The following SGPP1 variants were observed in gnomAD, a reference collection of about 807,000 sequenced individuals.
The protein encoded by SGPP1 is sphingosine-1-phosphate phosphatase 1.
In SGPP1, 21 loss-of-function variants were observed where a neutral mutation model predicts 33.0. The ratio of observed to expected loss-of-function variants is 0.64; its 90% confidence interval spans 0.45 to 0.92. The LOEUF (loss-of-function observed/expected upper bound fraction) is 0.92. Among genes scored for constraint, SGPP1 ranks in the 40% least tolerant of loss-of-function variants. The probability of loss-of-function intolerance (pLI) is 0.00; values close to 1 mark genes in which losing one functional copy is unlikely to be tolerated. For synonymous variants in SGPP1, 239 were observed against 241.2 expected (o/e 0.99, Z 0.08); for missense variants, 543 against 589.4 (o/e 0.92, Z 0.81).
intron 1 of SGPP1, among the ~76,000 whole-genome samples, chr14:63,721,244 C>T (rs961711957): frequency 6.6e-6 from 1 of 152,148 alleles, no homozygotes; most frequent in Admixed American, 6.6e-5. Context: ...CGTGCCACTG[C>T]ACTCCAGGCT....
intron 1 of SGPP1, among the ~76,000 whole-genome samples, chr14:63,716,132 G>A (rs1885621984): frequency 6.6e-6 from 1 of 152,118 alleles, no homozygotes; most frequent in African/African-American, 2.4e-5. Context: ...CTATAATCAG[G>A]AGAAATAATA....
At chr14:63,717,613 C>T (rs557293116) in intron 1 of SGPP1, among the ~76,000 whole-genome samples, 1 of 152,250 alleles carries the variant, frequency 6.6e-6, no homozygotes, top group African/African-American at 2.4e-5. Flanking sequence ...TGAGCCACCA[C>T]ACCCGTACTG....
In SGPP1 at chr14:63,685,878, T is replaced by C. The variant is rs1884961137; in HGVS notation, c.*227A>G. 3.4e-6 allele frequency: 1 copy of C among 293,560 alleles called. No individual in the cohort carries two copies. Among genetic ancestry groups the C allele is most frequent in the African/African-American group, 2.2e-5 (1 of 45,672 alleles). The allele number at this position is 293,560 out of a possible 1,614,324, so 18.2% of individuals were successfully genotyped here. A position where few individuals can be genotyped will look rare whatever the true frequency, so the allele number is the denominator to read the frequency against. On this transcript the variant is annotated 3_prime_UTR_variant, in exon 3 of 3. Transcript: ENST00000247225. ...AAACTCTCCAAACATTACATGAACATTCTAAATGGATACTTATCATTTTCT... is the reference window on the plus strand; with the variant it reads ...AAACTCTCCAAACATTACATGAACACTCTAAATGGATACTTATCATTTTCT...
In SGPP1 at chr14:63,727,581, G is replaced by A. The variant is rs764028107; in HGVS notation, c.364C>T (p.Arg122Cys). ...CAGTAGAGCGGCCAGTTGCTCACGC[G>A]GGCCAGCTGGCCCTCCTCGCCCGTC... Reference protein sequence around the residue: ...SLTGEEGQLARVSNWPLYCLF... With the variant: ...SLTGEEGQLACVSNWPLYCLF... The change falls in exon 1 of 3, where the codon CGC becomes TGC. Residue 122 changes from arginine (R) to cysteine (C), a missense_variant. Transcript: ENST00000247225. The A allele has an allele frequency of 1.3e-6, 2 of 1,593,642 alleles. No homozygotes were observed. The highest frequency in any genetic ancestry group is 2.2e-5 in the South Asian group (2 of 89,416).
chr14:63,688,938 G>T (rs1218092672), intron 2 of SGPP1, among the ~76,000 whole-genome samples: 2 of 151,972 alleles, frequency 1.3e-5, no homozygotes, highest in African/African-American at 4.8e-5. Context: ...AGCCAGGATG[G>T]TCTCTATCTC....
intron 1 of SGPP1, among the ~76,000 whole-genome samples, chr14:63,701,646 T>C (rs1195278390): frequency 2.0e-5 from 3 of 151,866 alleles, no homozygotes; most frequent in African/African-American, 4.8e-5. Context: ...AGGGAGGTAA[T>C]GGGGGGCCAG....
intron 1 of SGPP1, among the ~76,000 whole-genome samples, chr14:63,701,199 G>T (rs1017928768): frequency 2.0e-5 from 3 of 152,020 alleles, no homozygotes; most frequent in Non-Finnish European, 4.4e-5. Context: ...CCCATGACTG[G>T]TCTTAAATTC....
chr14:63,703,655 C>CA (rs36065588), intron 1 of SGPP1, among the ~76,000 whole-genome samples: 1,994 of 38,142 alleles, frequency 0.052, 116 homozygotes, highest in East Asian at 0.16. Flanking sequence ...GACTCCATCT[C>CA]AAAAAAAAAA....
intron 2 of SGPP1, among the ~76,000 whole-genome samples, chr14:63,693,350 G>A (rs1885124316): frequency 6.6e-6 from 1 of 152,062 alleles, no homozygotes; most frequent in Admixed American, 6.5e-5. Context: ...CACAAGTCTT[G>A]GTAAATACCC....
At chr14:63,718,000 C>CT (rs1885669922) in intron 1 of SGPP1, among the ~76,000 whole-genome samples, 1 of 152,120 alleles carries the variant, frequency 6.6e-6, no homozygotes, top group Non-Finnish European at 1.5e-5. Flanking sequence ...AATCCCAACA[C>CT]TTTAGGAGGC....
chr14:63,722,085 C>T (rs1219504916), intron 1 of SGPP1, among the ~76,000 whole-genome samples: 3 of 152,108 alleles, frequency 2.0e-5, no homozygotes, highest in African/African-American at 7.2e-5. Context: ...GGTTACTTTG[C>T]TTAAGTTACA....
At chr14:63,703,370 T>C (rs1885338899) in intron 1 of SGPP1, among the ~76,000 whole-genome samples, 1 of 152,044 alleles carries the variant, frequency 6.6e-6, no homozygotes, top group Non-Finnish European at 1.5e-5. Flanking sequence ...AAGACCTAAT[T>C]AAGGCCAGGC....
chr14:63,713,937 A>T (rs994505121), intron 1 of SGPP1, among the ~76,000 whole-genome samples: 11 of 152,324 alleles, frequency 7.2e-5, no homozygotes, highest in African/African-American at 2.4e-4. Context: ...TCTGCCCTCA[A>T]TGTTGGCATG....
chr14:63,727,940 G>C lies in SGPP1; in HGVS notation c.5C>G (p.Ser2Trp), dbSNP rs551935654. MSLRQRLAQLVG... is the reference protein window; with the variant it reads MWLRQRLAQLVG... ...CAGCTGGGCCAGGCGCTGCCTCAGC[G>C]ACATGATAACGGAACCCCCGGGAAG... is the stretch of plus-strand genomic sequence containing the variant. The change falls in exon 1 of 3, where the codon TCG becomes TGG. Residue 2 changes from serine (S) to tryptophan (W), a missense_variant. Physicochemically the swap from Ser to Trp is radical, Grantham distance 177. Transcript: ENST00000247225. The C allele has an allele frequency of 6.5e-7, 1 of 1,545,266 alleles. No individual in the cohort carries two copies. Among genetic ancestry groups the C allele is most frequent in the East Asian group, 2.5e-5 (1 of 40,010 alleles).
chr14:63,727,230 C>A, intron 1 of SGPP1, 31 bp downstream of exon 1: 1 of 1,571,430 alleles, frequency 6.4e-7, no homozygotes, highest in Non-Finnish European at 8.6e-7. Flanking sequence ...TTGAACTCCC[C>A]CAGGCTGAAC....
At chr14:63,719,772 T>C (rs1429192608) in intron 1 of SGPP1, among the ~76,000 whole-genome samples, 3 of 151,676 alleles carry the variant, frequency 2.0e-5, no homozygotes, top group Non-Finnish European at 2.9e-5. Context: ...GTAAGGCATT[T>C]TTAAAAATCA....
chr14:63,706,824 C>T (rs986780036), intron 1 of SGPP1, among the ~76,000 whole-genome samples: 4 of 152,014 alleles, frequency 2.6e-5, no homozygotes, highest in African/African-American at 9.7e-5. Context: ...GGGTGGATCA[C>T]CTCAGGTCAG....
intron 2 of SGPP1, among the ~76,000 whole-genome samples, chr14:63,693,748 G>A (rs931657168): frequency 2.6e-5 from 4 of 151,924 alleles, no homozygotes; most frequent in African/African-American, 9.7e-5. Flanking sequence ...TGAGTAGCTG[G>A]GATTACAGGT....
Position 63,685,530 on chromosome 14 carries a change from A to G in SGPP1, c.*575T>C, listed in dbSNP as rs1040783936. 3 of 152,596 alleles carry G rather than the reference A, an allele frequency of 2.0e-5. No individual in the cohort carries two copies. The highest frequency in any genetic ancestry group is 2.1e-4 in the South Asian group (1 of 4,830). The allele number at this position is 152,596 out of a possible 1,614,324, so 9.5% of individuals were successfully genotyped here. The stretch of plus-strand genomic sequence containing the variant: ...CCTCCCATGTTCAACATCATGGATA[A>G]CATGAAAGGTAATGGCAGTGTAAAA... On this transcript the variant is annotated 3_prime_UTR_variant, in exon 3 of 3. Transcript: ENST00000247225.
Sources: allele counts gnomAD v4.1 joint callset (sites outside exome capture counted in the v4.1 genomes callset), GRCh38; gene constraint gnomAD v4.1.1; transcripts MANE v1.5; gene names NCBI Gene and HGNC (gene_info 2026-07-23, HGNC 2026-07-21).